MROH2A: variants seen among roughly 807,000 people sequenced by gnomAD.
MROH2A encodes the protein maestro heat-like repeat-containing protein family member 2A.
Under a neutral mutation model 200.4 loss-of-function variants are expected in MROH2A, and 174 were observed. The observed-to-expected ratio is 0.87, with a 90% CI of 0.77 to 0.98. The LOEUF (loss-of-function observed/expected upper bound fraction) is 0.98, where lower values mean the gene tolerates loss of function less well. MROH2A is among the 50% of genes least tolerant of loss of function. The pLI, the probability that MROH2A is intolerant of heterozygous loss-of-function variation, is 0.00. For synonymous variants in MROH2A, 829 were observed against 840.4 expected, an observed-to-expected ratio of 0.99 and a Z score of 0.23; for missense variants, 2,045 against 2,139.6, an observed-to-expected ratio of 0.96 and a Z score of 0.87.
Position 233,795,674 on chromosome 2 carries a change from C to G in MROH2A, c.988C>G (p.Leu330Val). 6.4e-7 allele frequency: 1 copy of G among 1,551,104 alleles called. No homozygotes were observed. ...GCAGGTCTTGAGGCAGATCCTGGAACTGTCAGTCACCACCAACACCCCTGT... is the reference window on the plus strand; with the variant it reads ...GCAGGTCTTGAGGCAGATCCTGGAAGTGTCAGTCACCACCAACACCCCTGT... ...VTQVLRQILE[L>V]SVTTNTPVPQ... Residue 330 changes from leucine (L) to valine (V), a missense_variant, in exon 9 of 42, where the codon CTG becomes GTG. Physicochemically the swap from Leu to Val is conservative, Grantham distance 32. Around this residue, in one of 3 missense-constraint regions of MROH2A, gnomAD observed 831 missense variants for 800.0 expected, o/e 1.04. Coordinates refer to ENST00000389758, the MANE Select transcript of MROH2A (RefSeq NM_001394639.1).
chr2:233,798,841 C>T lies in MROH2A; in HGVS notation c.1320C>T (p.Thr440=). ...IRVVKNTISD[T]RSKVRMAILH... is the part of the protein sequence containing the mutation. ...TAGTCAAGAACACCATCTCTGATACCCGGTCCAAGGTAACAGGGCAGAGAC... is the reference window on the plus strand; with the variant it reads ...TAGTCAAGAACACCATCTCTGATACTCGGTCCAAGGTAACAGGGCAGAGAC... Residue 440 remains threonine, a synonymous_variant, in exon 12 of 42, where the codon ACC becomes ACT. Transcript: ENST00000389758. 6.5e-7 allele frequency: 1 copy of T among 1,550,226 alleles called. No homozygotes were observed. The highest frequency in any genetic ancestry group is 8.7e-7 in the Non-Finnish European group (1 of 1,146,756).
intron 30 of MROH2A, 29 bp from the exon 31 acceptor site, chr2:233,819,873 C>A: frequency 6.8e-7 from 1 of 1,477,220 alleles, no homozygotes; most frequent in Non-Finnish European, 9.0e-7. Context: ...GCCTGGGCTG[C>A]CCCCCGGTGA....
chr2:233,812,166 T>A (rs1385185108), intron 24 of MROH2A, among the ~76,000 whole-genome samples: 1 of 152,188 alleles, frequency 6.6e-6, no homozygotes, highest in Non-Finnish European at 1.5e-5. Flanking sequence ...TCAGCCAGAT[T>A]TCAAGTTGGG....
intron 25 of MROH2A, 102 bp downstream of exon 25, chr2:233,813,880 T>C: frequency 1.6e-6 from 1 of 613,472 alleles, no homozygotes; most frequent in Non-Finnish European, 2.9e-6. Flanking sequence ...CCTTTGAGTG[T>C]TTAGAGGCAG....
At position 233,796,132 on chromosome 2, in the gene MROH2A, T is replaced by A. The variant is rs991361682; in HGVS notation, c.1139-68T>A. 3.3e-6 allele frequency: 5 copies of A among 1,512,548 alleles called. No individual in the cohort carries two copies. In the Admixed American group the frequency reaches 8.0e-5, roughly 24 times the overall value. The allele number at this position is 1,512,548 out of a possible 1,614,324, so 93.7% of individuals were successfully genotyped here. On this transcript the variant is annotated intron_variant, in intron 10 of 41. Coordinates refer to ENST00000389758, the MANE Select transcript of MROH2A (RefSeq NM_001394639.1). ...TCCCGGCCCCTCTGAGCGCTGGGCC[T>A]GGGACTGCCTTGCTGGGCCTGCTCT... is the stretch of plus-strand genomic sequence containing the variant.
chr2:233,807,770 A>G lies in MROH2A; in HGVS notation c.2210A>G (p.Gln737Arg), dbSNP rs1702899260. ...IMCFGLCARG[Q>R]VKTVLNVLHD... is the part of the protein sequence containing the mutation. ...TGCTTTGGCCTGTGTGCCCGGGGCC[A>G]GGTAAAAACGGTGCTGAATGTGCTT... The change falls in exon 21 of 42, where the codon CAG becomes CGG. Residue 737 changes from glutamine (Q) to arginine (R), a missense_variant. Transcript: ENST00000389758. This position sits in a 1 kb window ranked among gnomAD's most constrained non-coding sequence, Gnocchi z 4.3. 1.9e-6 allele frequency: 3 copies of G among 1,550,770 alleles called. No individual in the cohort carries two copies. The highest frequency in any genetic ancestry group is 2.6e-6 in the Non-Finnish European group (3 of 1,147,028).
intron 35 of MROH2A, among the ~76,000 whole-genome samples, chr2:233,826,964 T>C (rs749289844): frequency 6.6e-6 from 1 of 151,918 alleles, no homozygotes; most frequent in African/African-American, 2.4e-5. Flanking sequence ...AATAAACATA[T>C]GAAAAAAAGC....
In MROH2A at chr2:233,779,818, T is replaced by C. The variant is rs954226221; in HGVS notation, c.242T>C (p.Ile81Thr). 41 of 1,550,454 alleles carry C rather than the reference T, an allele frequency of 2.6e-5. No individual in the cohort carries two copies. The highest frequency in any genetic ancestry group is 3.3e-5 in the Non-Finnish European group (38 of 1,147,012). ...GCCACCACTGAGCCTTCTGTAGTGA[T>C]AAACACTCTCATCCGCTGCCTGCAG... ...EKATTEPSVV[I>T]NTLIRCLQVP... Residue 81 changes from isoleucine (I) to threonine (T), a missense_variant, in exon 3 of 42, where the codon ATA (isoleucine) becomes ACA (threonine). Around this residue, in one of 3 missense-constraint regions of MROH2A, gnomAD observed 831 missense variants for 800.0 expected, o/e 1.04. Coordinates refer to ENST00000389758, the MANE Select transcript of MROH2A (RefSeq NM_001394639.1).
chr2:233,810,122 G>A (rs762548818), intron 22 of MROH2A, among the ~76,000 whole-genome samples: 8 of 152,154 alleles, frequency 5.3e-5, no homozygotes, highest in Admixed American at 2.0e-4. Flanking sequence ...TAGGGCTCGG[G>A]GCCCCTGGTC....
chr2:233,787,697 TATCATATAA>T (rs1331836408), intron 3 of MROH2A, among the ~76,000 whole-genome samples: 4 of 69,396 alleles, frequency 5.8e-5, no homozygotes, highest in African/African-American at 1.3e-4. Flanking sequence ...ATATTATATA[TATCATATAA>T]ACATATATAT....
At chr2:233,812,023 G>A (rs944035654) in intron 24 of MROH2A, 64 bp downstream of exon 24, 25 of 1,138,240 alleles carry the variant, frequency 2.2e-5, no homozygotes, top group South Asian at 9.3e-5. Flanking sequence ...ACCATTCCTC[G>A]GTGCTCCTTC....
At chr2:233,806,872 G>T (rs1702823208) in intron 19 of MROH2A, among the ~76,000 whole-genome samples, 1 of 152,086 alleles carries the variant, frequency 6.6e-6, no homozygotes, top group South Asian at 2.1e-4. Flanking sequence ...GAATTTGCAA[G>T]ATTTTGGTGC....
At chr2:233,829,161 A>T in intron 37 of MROH2A, 89 bp downstream of exon 37, 1 of 1,261,742 alleles carries the variant, frequency 7.9e-7, no homozygotes, top group Non-Finnish European at 1.1e-6. Flanking sequence ...TAGAGCAGAA[A>T]AGAGCCGAGG....
In MROH2A at chr2:233,789,480, C is replaced by G. The variant is rs17862888; in HGVS notation, c.277-17C>G. On this transcript the variant is annotated splice_polypyrimidine_tract_variant and intron_variant, in intron 3 of 41. Transcript: ENST00000389758. ...GGCAGGGTGAGGTCCATTCCACCCA[C>G]CATACTTGTTTCCCAGATTTCCACC... 0.018 allele frequency: 25,088 copies of G among 1,405,150 alleles called. 675 individuals carry two copies. Among genetic ancestry groups the G allele is most frequent in the African/African-American group, 0.12 (8,316 of 69,004 alleles). The allele number at this position is 1,405,150 out of a possible 1,614,324, so 87.0% of individuals were successfully genotyped here.
At chr2:233,796,399 G>A (rs754621226) in intron 11 of MROH2A, 86 bp downstream of exon 11, 19 of 873,460 alleles carry the variant, frequency 2.2e-5, no homozygotes, top group Admixed American at 1.3e-4. Flanking sequence ...ATTCATGTTC[G>A]GGCATTGCCA....
At chr2:233,799,295 C>G (rs1346727263) in intron 12 of MROH2A, among the ~76,000 whole-genome samples, 1 of 152,108 alleles carries the variant, frequency 6.6e-6, no homozygotes, top group African/African-American at 2.4e-5. Context: ...GAAGGGAGGT[C>G]CGGCATAGTG....
chr2:233,792,585 T>C lies in MROH2A; in HGVS notation c.572-211T>C, dbSNP rs934581780. Among the ~76,000 whole-genome samples the C allele has an allele frequency of 3.3e-5, 5 of 152,196 alleles. No individual in the cohort carries two copies. The East Asian group carries it at 9.6e-4, about 29-fold the overall frequency. ...ACCTTGGCCTCCCAAAGTGCTGGGA[T>C]TACAGGCGTGAGACACCGTGCCCTT... On this transcript the variant is annotated intron_variant, in intron 5 of 41. Coordinates refer to ENST00000389758, the MANE Select transcript of MROH2A (RefSeq NM_001394639.1).
In MROH2A at chr2:233,818,048, C is replaced by T. The variant is rs761883729; in HGVS notation, c.3008C>T (p.Ala1003Val). ...TTTGGCACAATGGTCGGACTCATTG[C>T]CCCGTGCACCTGTGATGCCCATCAA... ...GQFGTMVGLIAPCTCDAHQRT... is the reference protein window; with the variant it reads ...GQFGTMVGLIVPCTCDAHQRT... Residue 1003 changes from alanine to valine, a missense_variant, in exon 28 of 42, where the codon GCC becomes GTC. Ala to Val is a moderately conservative substitution (Grantham distance 64, BLOSUM62 0). Coordinates refer to ENST00000389758, the MANE Select transcript of MROH2A (RefSeq NM_001394639.1). 101 of 1,551,030 alleles carry T rather than the reference C, an allele frequency of 6.5e-5. 1 individual carries two copies. The South Asian group carries it at 9.3e-4, about 14-fold the overall frequency.
At chr2:233,806,729 G>T (rs558187776) in intron 19 of MROH2A, among the ~76,000 whole-genome samples, 200 of 152,162 alleles carry the variant, frequency 1.3e-3, no homozygotes, top group African/African-American at 4.5e-3. Flanking sequence ...CCTTTAACAC[G>T]TATAACATGC....
Sources: allele counts gnomAD v4.1 joint callset (sites outside exome capture counted in the v4.1 genomes callset), GRCh38; gene constraint gnomAD v4.1.1; regional missense constraint gnomAD v4.1.1; non-coding constraint Gnocchi (gnomAD v3.1); transcripts MANE v1.5; gene names NCBI Gene and HGNC (gene_info 2026-07-23, HGNC 2026-07-21).